The following ABCA13 variants were observed in gnomAD, a reference collection of about 807,000 sequenced individuals.
The protein encoded by ABCA13 is ATP-binding cassette sub-family A member 13.
ABCA13 carries 476 observed loss-of-function variants against 478.7 expected under a neutral mutation model. The observed-to-expected ratio is 0.99, with a 90% CI of 0.92 to 1.07. ABCA13 has a LOEUF of 1.07. Ranked by LOEUF, ABCA13 falls within the 50% of genes least tolerant of loss-of-function variation. The pLI is 0.00. For missense variants in ABCA13, 6,060 were observed against 5,910.6 expected (o/e 1.03, Z -0.83); for synonymous variants, 2,252 against 2,158.9 (o/e 1.04, Z -1.20).
rs574848196 is a variant in ABCA13, at chr7:48,505,002, T to C, written c.13292-1334T>C. On this transcript the variant is annotated intron_variant, in intron 48 of 61. Transcript: ENST00000435803. The stretch of plus-strand genomic sequence containing the variant: ...GAGGGATCAAGACCACACAATTCAG[T>C]TCATGATGAATGTGGTAAGTCCAGG... 2.6e-5 allele frequency among the ~76,000 whole-genome samples: 4 copies of C among 152,228 alleles called. No homozygotes were observed. In the South Asian group the frequency reaches 8.3e-4, roughly 32 times the overall value.
intron 15 of ABCA13, among the ~76,000 whole-genome samples, chr7:48,250,514 A>C (rs1792389976): frequency 6.6e-6 from 1 of 152,198 alleles, no homozygotes; most frequent in Non-Finnish European, 1.5e-5. Context: ...ATTAGCCTAC[A>C]AAAAGACACC....
chr7:48,172,566 C>T (rs1052014864), intron 1 of ABCA13, among the ~76,000 whole-genome samples: 1 of 151,752 alleles, frequency 6.6e-6, no homozygotes, highest in Non-Finnish European at 1.5e-5. Context: ...GAGGCCGAGG[C>T]GGGCGGATCA....
chr7:48,623,121 C>A (rs1239199285), intron 59 of ABCA13, among the ~76,000 whole-genome samples: 1 of 152,212 alleles, frequency 6.6e-6, no homozygotes, highest in Non-Finnish European at 1.5e-5. Flanking sequence ...CATGAACATG[C>A]AAACTCTCGC....
intron 57 of ABCA13, among the ~76,000 whole-genome samples, chr7:48,592,874 A>C (rs1362381665): frequency 6.6e-6 from 1 of 151,836 alleles, no homozygotes; most frequent in African/African-American, 2.4e-5. Flanking sequence ...TTTGTGTGAC[A>C]TAAATATAGA....
Position 48,310,161 on chromosome 7 carries a change from T to C in ABCA13, c.9516+20T>C. ...TACAAGGTATGGAGAGCATGCTGGC[T>C]GGGGGCAGTCCTCTGCAGGACTCTG... On this transcript the variant is annotated intron_variant, in intron 24 of 61. Transcript: ENST00000435803. 1 of 1,588,554 alleles carries C rather than the reference T, an allele frequency of 6.3e-7. No individual in the cohort carries two copies. Among genetic ancestry groups the C allele is most frequent in the Non-Finnish European group, 8.6e-7 (1 of 1,166,452 alleles).
intron 3 of ABCA13, among the ~76,000 whole-genome samples, chr7:48,215,000 T>C (rs988566608): frequency 6.6e-6 from 1 of 152,162 alleles, no homozygotes; most frequent in Non-Finnish European, 1.5e-5. Flanking sequence ...TAACATGCTT[T>C]CCTCACTAAA....
chr7:48,511,064 A>G lies in ABCA13; in HGVS notation c.13525-20A>G. Reference sequence around the variant, plus strand: ...CCATCTGATGTAACAGCTCTCCCTTATTTCTTTTTATCTTCTCAGCTCTTT... The same window carrying G: ...CCATCTGATGTAACAGCTCTCCCTTGTTTCTTTTTATCTTCTCAGCTCTTT... On this transcript the variant is annotated intron_variant, in intron 50 of 61. Coordinates refer to ENST00000435803, the MANE Select transcript of ABCA13 (RefSeq NM_152701.5). 2 of 1,589,064 alleles carry G rather than the reference A, an allele frequency of 1.3e-6. No individual in the cohort carries two copies. Among genetic ancestry groups the G allele is most frequent in the Non-Finnish European group, 1.7e-6 (2 of 1,157,714 alleles).
chr7:48,466,209 A>G (rs1177705507), intron 43 of ABCA13, among the ~76,000 whole-genome samples: 5 of 152,184 alleles, frequency 3.3e-5, no homozygotes, highest in Non-Finnish European at 7.3e-5. Context: ...TTTTCTCAAG[A>G]TTGTCTTATA....
At chr7:48,236,921 T>C (rs1017496830) in intron 8 of ABCA13, among the ~76,000 whole-genome samples, 1 of 151,052 alleles carries the variant, frequency 6.6e-6, no homozygotes, top group Admixed American at 6.6e-5. Flanking sequence ...AGTATTGCAG[T>C]AGAGAAAGGG....
chr7:48,611,680 G>A (rs181970414), intron 58 of ABCA13, among the ~76,000 whole-genome samples: 2 of 152,154 alleles, frequency 1.3e-5, no homozygotes, highest in Non-Finnish European at 2.9e-5. Context: ...GGGGGAAATC[G>A]GTCACCATGA....
At chr7:48,564,371 T>C (rs1786804491) in intron 55 of ABCA13, among the ~76,000 whole-genome samples, 3 of 152,076 alleles carry the variant, frequency 2.0e-5, no homozygotes, top group African/African-American at 7.2e-5. Context: ...TGGCTACTGG[T>C]TATCAACAGC....
chr7:48,409,987 T>C (rs1451089594), intron 39 of ABCA13, among the ~76,000 whole-genome samples: 2 of 149,522 alleles, frequency 1.3e-5, no homozygotes, highest in Non-Finnish European at 3.0e-5. Context: ...CTAGCTACTC[T>C]GGAGGCTGAG....
intron 41 of ABCA13, among the ~76,000 whole-genome samples, chr7:48,414,752 G>A (rs1193337498): frequency 6.6e-6 from 1 of 152,092 alleles, no homozygotes; most frequent in South Asian, 2.1e-4. Context: ...ATAGGTGTGT[G>A]CCACTGCATC....
chr7:48,476,418 C>A (rs59915104), intron 45 of ABCA13, among the ~76,000 whole-genome samples: 24,363 of 151,884 alleles, frequency 0.16, 2,116 homozygotes, highest in East Asian at 0.23. Context: ...TTTATATGTG[C>A]CAGCAAGGGG....
chr7:48,186,929 C>T (rs1796420390), intron 1 of ABCA13, among the ~76,000 whole-genome samples: 1 of 151,626 alleles, frequency 6.6e-6, no homozygotes, highest in Admixed American at 6.6e-5. Flanking sequence ...TTTCACCCCT[C>T]AGGGTGTTTG....
At chr7:48,384,517 A>C (rs1814873604) in intron 35 of ABCA13, among the ~76,000 whole-genome samples, 1 of 152,192 alleles carries the variant, frequency 6.6e-6, no homozygotes, top group Non-Finnish European at 1.5e-5. Flanking sequence ...ATTTTACCTG[A>C]CATGTTGGTG....
At chr7:48,318,260 G>C (rs532195678) in intron 27 of ABCA13, among the ~76,000 whole-genome samples, 1 of 152,112 alleles carries the variant, frequency 6.6e-6, no homozygotes, top group Non-Finnish European at 1.5e-5. Flanking sequence ...TTCCCACTTT[G>C]CCACCTACCT....
chr7:48,611,681 G>T (rs1386876258), intron 58 of ABCA13, among the ~76,000 whole-genome samples: 2 of 152,210 alleles, frequency 1.3e-5, no homozygotes, highest in East Asian at 3.9e-4. Context: ...GGGGAAATCG[G>T]TCACCATGAT....
intron 27 of ABCA13, among the ~76,000 whole-genome samples, chr7:48,333,180 A>G (rs931510139): frequency 1.3e-5 from 2 of 152,210 alleles, no homozygotes; most frequent in African/African-American, 2.4e-5. Context: ...CACATTGATC[A>G]GCTGTCAGGT....
Sources: allele counts gnomAD v4.1 joint callset (sites outside exome capture counted in the v4.1 genomes callset), GRCh38; gene constraint gnomAD v4.1.1; transcripts MANE v1.5; gene names NCBI Gene and HGNC (gene_info 2026-07-23, HGNC 2026-07-21).